TBC1D5: variants seen among roughly 807,000 people sequenced by gnomAD.
TBC1D5 encodes the protein TBC1 domain family member 5.
A neutral mutation model predicts 100.3 loss-of-function variants in TBC1D5; 75 were observed. That is an observed-to-expected ratio of 0.75 (90% CI 0.62 to 0.91). The LOEUF (loss-of-function observed/expected upper bound fraction) is 0.91. Ranked by LOEUF, TBC1D5 falls within the 40% of genes least tolerant of loss-of-function variation. The pLI, the probability that TBC1D5 is intolerant of heterozygous loss-of-function variation, is 0.00. For missense variants in TBC1D5, 910 were observed against 942.4 expected, an observed-to-expected ratio of 0.97 and a Z score of 0.45; for synonymous variants, 323 against 325.6, an observed-to-expected ratio of 0.99 and a Z score of 0.09.
intron 9 of TBC1D5, among the ~76,000 whole-genome samples, chr3:17,381,932 T>G (rs924442131): frequency 1.3e-5 from 2 of 152,108 alleles, no homozygotes; most frequent in African/African-American, 4.8e-5. Context: ...TTCTTTATTT[T>G]ACCATATTCA....
At chr3:17,715,384 T>C (rs2075136350) in intron 1 of TBC1D5, among the ~76,000 whole-genome samples, 1 of 152,194 alleles carries the variant, frequency 6.6e-6, no homozygotes, top group Non-Finnish European at 1.5e-5. Context: ...AATGATTTTT[T>C]CAAGGAGACC....
chr3:17,364,334 T>C (rs771904607), intron 13 of TBC1D5, among the ~76,000 whole-genome samples: 3 of 152,158 alleles, frequency 2.0e-5, no homozygotes, highest in Non-Finnish European at 2.9e-5. Context: ...ACTCAAAAAT[T>C]ATTTGCTGAG....
At chr3:17,191,999 A>T (rs2069975673) in intron 18 of TBC1D5, among the ~76,000 whole-genome samples, 1 of 152,206 alleles carries the variant, frequency 6.6e-6, no homozygotes, top group Non-Finnish European at 1.5e-5. Flanking sequence ...AAAACAGGTT[A>T]CAAAGTAGTA....
chr3:17,303,282 C>T (rs2083045540), intron 14 of TBC1D5, among the ~76,000 whole-genome samples: 1 of 152,210 alleles, frequency 6.6e-6, no homozygotes, highest in African/African-American at 2.4e-5. Flanking sequence ...AAAACTTCTT[C>T]CTTTGAAGTT....
At chr3:17,454,118 T>G (rs1158278422) in intron 3 of TBC1D5, among the ~76,000 whole-genome samples, 1 of 151,958 alleles carries the variant, frequency 6.6e-6, no homozygotes, top group Admixed American at 6.6e-5. Flanking sequence ...GAAGAACATA[T>G]CTCAACATAA....
intron 2 of TBC1D5, among the ~76,000 whole-genome samples, chr3:17,554,873 CAG>C (rs1482651696): frequency 6.7e-6 from 1 of 148,932 alleles, no homozygotes; most frequent in African/African-American, 2.5e-5. Context: ...TTTTTGGAGA[CAG>C]AGTCTCACTC....
At chr3:17,609,544 A>G (rs1190517972) in intron 2 of TBC1D5, among the ~76,000 whole-genome samples, 1 of 152,186 alleles carries the variant, frequency 6.6e-6, no homozygotes, top group Non-Finnish European at 1.5e-5. Flanking sequence ...CTTTATGAAC[A>G]CATAGGGGTT....
chr3:17,239,408 T>C (rs1333836958), intron 16 of TBC1D5, among the ~76,000 whole-genome samples: 1 of 152,184 alleles, frequency 6.6e-6, no homozygotes, highest in African/African-American at 2.4e-5. Context: ...ATGGTGAGTA[T>C]ATGTATATGT....
chr3:17,512,311 T>C (rs966191297), intron 2 of TBC1D5, among the ~76,000 whole-genome samples: 1 of 152,094 alleles, frequency 6.6e-6, no homozygotes, highest in Non-Finnish European at 1.5e-5. Flanking sequence ...AGAGATTTTA[T>C]TTAGTCTAAA....
intron 3 of TBC1D5, among the ~76,000 whole-genome samples, chr3:17,478,408 C>T (rs1277044149): frequency 6.6e-6 from 1 of 152,154 alleles, no homozygotes; most frequent in Admixed American, 6.5e-5. Flanking sequence ...GTAGTGGCAA[C>T]ATAGTAATAC....
intron 1 of TBC1D5, among the ~76,000 whole-genome samples, chr3:17,697,429 G>GA (rs1367077660): frequency 1.3e-5 from 2 of 152,054 alleles, no homozygotes; most frequent in South Asian, 2.1e-4. Flanking sequence ...AAATCAATGT[G>GA]AAAAAATCAC....
chr3:17,309,362 T>A (rs899201504), intron 13 of TBC1D5, among the ~76,000 whole-genome samples: 1 of 152,032 alleles, frequency 6.6e-6, no homozygotes, highest in African/African-American at 2.4e-5. Context: ...AATTAGATTA[T>A]ATTTTCAACT....
intron 2 of TBC1D5, among the ~76,000 whole-genome samples, chr3:17,586,982 T>C (rs2096736953): frequency 6.6e-6 from 1 of 151,944 alleles, no homozygotes; most frequent in African/African-American, 2.4e-5. Flanking sequence ...ATTTGACATT[T>C]GAAAACAAAT....
At chr3:17,495,152 C>T (rs2095690765) in intron 3 of TBC1D5, among the ~76,000 whole-genome samples, 1 of 152,188 alleles carries the variant, frequency 6.6e-6, no homozygotes, top group African/African-American at 2.4e-5. Context: ...CAGGATTTAG[C>T]CGCCACTTTT....
rs148536146 is a variant in TBC1D5 at position 17,359,760 on chromosome 3, C to T, written c.995+12315G>A. On this transcript the variant is annotated intron_variant, in intron 13 of 21. Transcript: ENST00000253692. ...CTTAATAATGGAATATGATACCATA[C>T]ATAAATTACCATATGGCAATAGAAA... Among the ~76,000 whole-genome samples, 435 of 152,040 alleles carry T rather than the reference C, an allele frequency of 2.9e-3. 2 individuals are homozygous for T. The highest frequency in any genetic ancestry group is 4.9e-3 in the Non-Finnish European group (330 of 67,874).
At chr3:17,599,556 C>T (rs137952345) in intron 2 of TBC1D5, among the ~76,000 whole-genome samples, 211 of 152,126 alleles carry the variant, frequency 1.4e-3, no homozygotes, top group Non-Finnish European at 1.8e-3. Flanking sequence ...TCCTGGATGC[C>T]GAACAAGAAC....
At chr3:17,635,676 T>C (rs547597648) in intron 1 of TBC1D5, among the ~76,000 whole-genome samples, 2 of 151,850 alleles carry the variant, frequency 1.3e-5, no homozygotes, top group African/African-American at 4.8e-5. Flanking sequence ...AAAAAAAAAT[T>C]AAAAGGTCAA....
chr3:17,372,320 A>ATG, intron 12 of TBC1D5, 73 bp from the exon 13 acceptor site: 1 of 1,359,314 alleles, frequency 7.4e-7, no homozygotes, highest in Admixed American at 2.4e-5. Flanking sequence ...ATTCTTTATC[A>ATG]ATGACAGTTT....
chr3:17,649,357 G>A (rs1315746532), intron 1 of TBC1D5, among the ~76,000 whole-genome samples: 1 of 151,982 alleles, frequency 6.6e-6, no homozygotes, highest in African/African-American at 2.4e-5. Context: ...AGCAGAAAAG[G>A]TAATTATTGG....
Sources: allele counts gnomAD v4.1 joint callset (sites outside exome capture counted in the v4.1 genomes callset), GRCh38; gene constraint gnomAD v4.1.1; transcripts MANE v1.5; gene names NCBI Gene and HGNC (gene_info 2026-07-23, HGNC 2026-07-21).